The following MYO10 variants were observed in gnomAD, a reference collection of about 807,000 sequenced individuals.
MYO10 encodes myosin X, also known as unconventional myosin-X.
In MYO10, 133 loss-of-function variants were observed where a neutral mutation model predicts 257.3. That is an observed-to-expected ratio of 0.52 (90% confidence interval 0.45 to 0.60). The LOEUF is 0.60. Ranked by LOEUF, MYO10 falls within the 20% of genes least tolerant of loss-of-function variation. The pLI is 0.00. For missense variants in MYO10, 2,399 were observed against 2,635.7 expected (o/e 0.91, Z 1.97); for synonymous variants, 1,104 against 1,028.6 (o/e 1.07, Z -1.40).
At chr5:16,697,431 G>C (rs987595261) in intron 26 of MYO10, among the ~76,000 whole-genome samples, 1 of 152,236 alleles carries the variant, frequency 6.6e-6, no homozygotes, top group Non-Finnish European at 1.5e-5. Context: ...GCTGGGCGCG[G>C]TGGCTCACTC....
intron 1 of MYO10, among the ~76,000 whole-genome samples, chr5:16,932,363 A>G (rs1235477811): frequency 6.6e-6 from 1 of 152,200 alleles, no homozygotes; most frequent in Non-Finnish European, 1.5e-5. Flanking sequence ...TATTCCAGGC[A>G]CTGTACTTGG....
chr5:16,726,989 G>C (rs550935874), intron 19 of MYO10, among the ~76,000 whole-genome samples: 1 of 152,204 alleles, frequency 6.6e-6, no homozygotes, highest in Admixed American at 6.5e-5. Flanking sequence ...TCTTGAGTTA[G>C]AGAATAAAAG....
intron 2 of MYO10, among the ~76,000 whole-genome samples, chr5:16,849,085 A>T (rs1743725559): frequency 6.6e-6 from 1 of 152,166 alleles, no homozygotes; most frequent in African/African-American, 2.4e-5. Context: ...CCTCCCAAGT[A>T]GCTGGGACTA....
chr5:16,908,517 C>T lies in MYO10; in HGVS notation c.21+27271G>A, dbSNP rs145997001. On this transcript the variant is annotated intron_variant, in intron 1 of 40. Coordinates refer to ENST00000513610, the MANE Select transcript of MYO10 (RefSeq NM_012334.3). The stretch of plus-strand genomic sequence containing the variant: ...CACTCCAGCCAGCAAGACTCTGTCT[C>T]GAAAAAATGAAATAAAATAAAATAA... Among the ~76,000 whole-genome samples the T allele has an allele frequency of 1.0e-3, 154 of 151,948 alleles. 1 individual carries two copies. In the East Asian group the frequency reaches 0.014, roughly 14 times the overall value.
At chr5:16,827,859 T>A (rs1743047415) in intron 2 of MYO10, among the ~76,000 whole-genome samples, 1 of 151,968 alleles carries the variant, frequency 6.6e-6, no homozygotes, top group Non-Finnish European at 1.5e-5. Context: ...GATGGGGAGG[T>A]AATACTGATG....
intron 39 of MYO10, among the ~76,000 whole-genome samples, 152 bp downstream of exon 39, chr5:16,670,374 G>A (rs949396989): frequency 2.0e-5 from 3 of 152,170 alleles, no homozygotes; most frequent in Non-Finnish European, 1.5e-5. Flanking sequence ...GGAGAAGGGA[G>A]GCGTTAATGG....
intron 4 of MYO10, among the ~76,000 whole-genome samples, chr5:16,788,795 G>A (rs1223615741): frequency 2.6e-5 from 4 of 152,108 alleles, no homozygotes; most frequent in Non-Finnish European, 4.4e-5. Context: ...GGGCGTGGGG[G>A]CAGCTTGCTG....
At chr5:16,738,185 G>A (rs1366791094) in intron 19 of MYO10, 5 of 985,310 alleles carry the variant, frequency 5.1e-6, no homozygotes, top group South Asian at 4.7e-5. Flanking sequence ...GGAGCCCAGC[G>A]AGTGAGAAAC....
chr5:16,720,425 AT>A (rs1233074702), intron 19 of MYO10, among the ~76,000 whole-genome samples: 1 of 151,878 alleles, frequency 6.6e-6, no homozygotes, highest in Non-Finnish European at 1.5e-5. Flanking sequence ...CCACTATTTT[AT>A]TTTTATTTTA....
Position 16,877,607 on chromosome 5 carries a change from A to AC in MYO10, c.120+1dup, listed in dbSNP as rs1407304278. ...TGGGAAGCTGCAGGGACTTGTTCTCACCTGACCATAGTCTGTCCGGAAGAC... is the reference window on the plus strand; with the variant it reads ...TGGGAAGCTGCAGGGACTTGTTCTCACCCTGACCATAGTCTGTCCGGAAGAC... On this transcript the variant is annotated splice_donor_variant, in intron 2 of 40. Coordinates refer to ENST00000513610, the MANE Select transcript of MYO10 (RefSeq NM_012334.3). LOFTEE classifies it high-confidence loss of function. 1 of 1,610,584 alleles carries AC rather than the reference A, an allele frequency of 6.2e-7. No homozygotes were observed. The highest frequency in any genetic ancestry group is 8.5e-7 in the Non-Finnish European group (1 of 1,177,148).
intron 17 of MYO10, among the ~76,000 whole-genome samples, chr5:16,760,999 A>ATTT (rs1740695606): frequency 6.6e-6 from 1 of 151,294 alleles, no homozygotes; most frequent in Admixed American, 6.6e-5. Flanking sequence ...TTATTTATTT[A>ATTT]TTTATTTTGA....
chr5:16,905,985 T>C (rs1309807592), intron 1 of MYO10, among the ~76,000 whole-genome samples: 2 of 152,170 alleles, frequency 1.3e-5, no homozygotes, highest in Admixed American at 6.5e-5. Flanking sequence ...AAAGCACTCA[T>C]AGATTAGAAT....
intron 3 of MYO10, among the ~76,000 whole-genome samples, chr5:16,808,241 T>C (rs185903756): frequency 6.6e-6 from 1 of 152,298 alleles, no homozygotes; most frequent in East Asian, 1.9e-4. Flanking sequence ...GGTGGGAGGA[T>C]CGCTTGAGGC....
chr5:16,667,581 C>A (rs1156726627), intron 40 of MYO10, among the ~76,000 whole-genome samples: 1 of 152,032 alleles, frequency 6.6e-6, no homozygotes, highest in Non-Finnish European at 1.5e-5. Context: ...CAAGGGCTCT[C>A]CACCCTCTTC....
rs1000164083 is a variant in MYO10 at position 16,930,514 on chromosome 5, G to A, written c.21+5274C>T. On this transcript the variant is annotated intron_variant, in intron 1 of 40. Transcript: ENST00000513610. ...AAAAGAGAAAACAAATAAATGCAACGCACCACAGGAAGCTACCTCAGAACA... is the reference window on the plus strand; with the variant it reads ...AAAAGAGAAAACAAATAAATGCAACACACCACAGGAAGCTACCTCAGAACA... 7.9e-5 allele frequency among the ~76,000 whole-genome samples: 12 copies of A among 152,124 alleles called. 1 individual carries two copies. The highest frequency in any genetic ancestry group is 5.2e-4 in the Admixed American group (8 of 15,250).
chr5:16,835,722 A>C (rs1008457322), intron 2 of MYO10, among the ~76,000 whole-genome samples: 2 of 151,812 alleles, frequency 1.3e-5, no homozygotes, highest in African/African-American at 4.8e-5. Context: ...TCTCTGAATT[A>C]ATGGAAAGAT....
chr5:16,891,456 G>A (rs1438800319), intron 1 of MYO10, among the ~76,000 whole-genome samples: 1 of 152,086 alleles, frequency 6.6e-6, no homozygotes, highest in Non-Finnish European at 1.5e-5. Flanking sequence ...GTTGCCCGGG[G>A]CTGGGAGGAG....
intron 19 of MYO10, among the ~76,000 whole-genome samples, chr5:16,750,031 C>A (rs1475672111): frequency 6.6e-6 from 1 of 152,140 alleles, no homozygotes; most frequent in Non-Finnish European, 1.5e-5. Context: ...TTGGGTACCA[C>A]CGCCACCGCC....
chr5:16,753,581 G>A (rs1464355383), intron 19 of MYO10, among the ~76,000 whole-genome samples: 5 of 147,302 alleles, frequency 3.4e-5, no homozygotes, highest in Admixed American at 2.1e-4. Flanking sequence ...AGTGATTCTC[G>A]TGCCTCAGCC....
Sources: gnomAD v4.1 joint callset for allele counts (sites outside exome capture counted in the v4.1 genomes callset) on GRCh38, gnomAD v4.1.1 for gene constraint, MANE v1.5 for transcripts, NCBI Gene and HGNC (gene_info 2026-07-23, HGNC 2026-07-21) for gene names.